The following GALNT13 variants were observed in gnomAD, a reference collection of about 807,000 sequenced individuals.
GALNT13 encodes UDP-GalNAc:polypeptide N-acetylgalactosaminyltransferase 13.
In GALNT13, 28 loss-of-function variants were observed where a neutral mutation model predicts 64.2. The ratio of observed to expected loss-of-function variants is 0.44; its 90% CI spans 0.32 to 0.60. The LOEUF is 0.60. GALNT13 is among the 20% of genes least tolerant of loss of function. The pLI is 0.05. For synonymous variants in GALNT13, 214 were observed against 224.6 expected (o/e 0.95, Z 0.42); for missense variants, 577 against 669.8 (o/e 0.86, Z 1.53).
chr2:153,273,694 G>A, the GALNT13 span, among the ~76,000 whole-genome samples: 2 of 152,158 alleles, frequency 1.3e-5, no homozygotes, highest in African/African-American at 4.8e-5. Context: ...TCACATGGAG[G>A]ATTATATTAA....
the GALNT13 span, among the ~76,000 whole-genome samples, chr2:153,466,083 C>T: frequency 6.6e-6 from 1 of 152,148 alleles, no homozygotes; most frequent in Admixed American, 6.6e-5. Context: ...CCAGTCTAAC[C>T]ATCCATCTAA....
intron 3 of GALNT13, among the ~76,000 whole-genome samples, chr2:153,988,461 A>G (rs1479982537): frequency 6.6e-6 from 1 of 151,990 alleles, no homozygotes; most frequent in Non-Finnish European, 1.5e-5. Context: ...ACTTAACATA[A>G]TGTCCTCCAG....
the GALNT13 span, among the ~76,000 whole-genome samples, chr2:153,611,621 C>T: frequency 1.3e-5 from 2 of 150,946 alleles, no homozygotes; most frequent in Admixed American, 1.3e-4. Context: ...TCAGCCTTCC[C>T]AAAGTGCTGG....
the GALNT13 span, among the ~76,000 whole-genome samples, chr2:153,113,188 G>C: frequency 6.6e-6 from 1 of 152,144 alleles, no homozygotes; most frequent in East Asian, 1.9e-4. Context: ...CAAGATTCTT[G>C]AATGTCTTAT....
rs1195381210 is a variant in GALNT13, at chr2:154,133,759, G to A, written c.143-6578G>A. On this transcript the variant is annotated intron_variant, in intron 3 of 12. Coordinates refer to ENST00000392825, the MANE Select transcript of GALNT13 (RefSeq NM_052917.4). Reference sequence around the variant, plus strand: ...AGCCAAAATTGATGCACAATGCTTCGGGGAGTTTCATAGACTAACGGAGGA... The same window carrying A: ...AGCCAAAATTGATGCACAATGCTTCAGGGAGTTTCATAGACTAACGGAGGA... 4.6e-5 allele frequency among the ~76,000 whole-genome samples: 7 copies of A among 151,444 alleles called. No homozygotes were observed. In the South Asian group the frequency reaches 6.3e-4, roughly 14 times the overall value.
chr2:153,506,421 T>C, the GALNT13 span, among the ~76,000 whole-genome samples: 2 of 152,192 alleles, frequency 1.3e-5, no homozygotes, highest in African/African-American at 4.8e-5. Flanking sequence ...CATTGTATTA[T>C]TGTTTTATAC....
At chr2:153,478,745 C>G in the GALNT13 span, 1 of 604,466 alleles carries the variant, frequency 1.7e-6, no homozygotes, top group Admixed American at 3.2e-5. Context: ...CCGACGCGCG[C>G]AGCAGCTAGG....
the GALNT13 span, among the ~76,000 whole-genome samples, chr2:153,082,013 C>T: frequency 3.3e-5 from 5 of 152,102 alleles, no homozygotes; most frequent in African/African-American, 7.2e-5. Context: ...TCCCTTTTCT[C>T]CACATTTTTG....
chr2:153,133,852 A>C, the GALNT13 span, among the ~76,000 whole-genome samples: 4 of 152,320 alleles, frequency 2.6e-5, no homozygotes, highest in East Asian at 7.7e-4. Context: ...ACTGGAAGAT[A>C]AGAGCTGTTT....
chr2:154,332,525 A>G (rs1243134056), intron 9 of GALNT13, among the ~76,000 whole-genome samples: 1 of 152,050 alleles, frequency 6.6e-6, no homozygotes, highest in Non-Finnish European at 1.5e-5. Context: ...TAAAAAAATA[A>G]TATTCTTTAT....
chr2:153,129,730 A>G, the GALNT13 span, among the ~76,000 whole-genome samples: 2 of 152,144 alleles, frequency 1.3e-5, no homozygotes, highest in East Asian at 3.9e-4. Flanking sequence ...AGATCGTGCC[A>G]CTGCACTCCA....
chr2:153,146,568 A>C, the GALNT13 span, among the ~76,000 whole-genome samples: 2 of 151,984 alleles, frequency 1.3e-5, no homozygotes, highest in African/African-American at 4.8e-5. Flanking sequence ...AGGGTACATT[A>C]CAGAAATGTG....
Position 154,232,046 on chromosome 2 carries a change from AAGAG to A in GALNT13, c.312-9966_312-9963del, listed in dbSNP as rs745758874. Among the ~76,000 whole-genome samples, 40 of 149,206 alleles carry A rather than the reference AAGAG, an allele frequency of 2.7e-4. No individual in the cohort carries two copies. In the South Asian group the frequency reaches 3.2e-3, roughly 12 times the overall value. ...ACTGAAGCACAGAGAGTTAAAACAA[AAGAG>A]AGAGAGAGAGAGAGAGAAGCCCAGT... On this transcript the variant is annotated intron_variant, in intron 4 of 12. Transcript: ENST00000392825.
the GALNT13 span, among the ~76,000 whole-genome samples, chr2:153,103,942 C>T: frequency 6.6e-6 from 1 of 152,308 alleles, no homozygotes; most frequent in African/African-American, 2.4e-5. Flanking sequence ...TACAAACCCT[C>T]TAATGATACA....
At chr2:153,542,347 C>CAA in the GALNT13 span, among the ~76,000 whole-genome samples, 2 of 89,684 alleles carry the variant, frequency 2.2e-5, no homozygotes, top group Admixed American at 1.3e-4. Context: ...AACAAACAAA[C>CAA]ACACACACAC....
the GALNT13 span, among the ~76,000 whole-genome samples, chr2:153,724,946 C>T: frequency 6.6e-6 from 1 of 151,274 alleles, no homozygotes; most frequent in Admixed American, 6.6e-5. Flanking sequence ...CCCAGCCATC[C>T]CATTACTGGG....
chr2:153,658,439 G>A, the GALNT13 span, among the ~76,000 whole-genome samples: 1 of 152,004 alleles, frequency 6.6e-6, no homozygotes, highest in African/African-American at 2.4e-5. Context: ...ATGTGACCAT[G>A]TCACTCTTAG....
chr2:153,147,791 C>T, the GALNT13 span, among the ~76,000 whole-genome samples: 1 of 151,588 alleles, frequency 6.6e-6, no homozygotes, highest in Non-Finnish European at 1.5e-5. Context: ...GCTCAGCTAC[C>T]CTGGAGCATT....
chr2:153,549,918 G>A, the GALNT13 span, among the ~76,000 whole-genome samples: 3 of 152,084 alleles, frequency 2.0e-5, no homozygotes, highest in Admixed American at 6.6e-5. Context: ...TCCATCCTTG[G>A]TTTTTTGAAG....
Sources: allele counts gnomAD v4.1 joint callset (sites outside exome capture counted in the v4.1 genomes callset), GRCh38; gene constraint gnomAD v4.1.1; transcripts MANE v1.5; gene names NCBI Gene and HGNC (gene_info 2026-07-23, HGNC 2026-07-21).